The following PCDHGA3 variants were observed in gnomAD, a reference collection of about 807,000 sequenced individuals.
PCDHGA3 encodes protocadherin gamma-A3.
PCDHGA3 carries 40 observed loss-of-function variants against 58.5 expected under a neutral mutation model. That is an observed-to-expected ratio of 0.68 (90% CI 0.53 to 0.89). The LOEUF is 0.89. Among genes scored for constraint, PCDHGA3 ranks in the 40% least tolerant of loss-of-function variants. The pLI, the probability that PCDHGA3 is intolerant of heterozygous loss-of-function variation, is 0.00. For synonymous variants in PCDHGA3, 530 were observed against 525.7 expected (o/e 1.01, Z -0.11); for missense variants, 1,223 against 1,195.9 (o/e 1.02, Z -0.33).
intron 1 of PCDHGA3, among the ~76,000 whole-genome samples, chr5:141,402,158 G>A (rs1276790302): frequency 2.0e-5 from 3 of 151,990 alleles, no homozygotes; most frequent in Non-Finnish European, 2.9e-5. Context: ...AATATTAGGC[G>A]AGAACATCTG....
rs1045001776 is a variant in PCDHGA3 at position 141,356,756 on chromosome 5, C to T, written c.2424+10299C>T. 3.1e-6 allele frequency: 5 copies of T among 1,613,976 alleles called. No homozygotes were observed. In the South Asian group the frequency reaches 4.4e-5, roughly 14 times the overall value. On this transcript the variant is annotated intron_variant, in intron 1 of 3. Coordinates refer to ENST00000253812, the MANE Select transcript of PCDHGA3 (RefSeq NM_018916.4). ...ACAGGGATCCTATATGCTCTTTGCT[C>T]CTTCGACTATGAGCAGTTTAGAGAC...
At position 141,491,919 on chromosome 5, in the gene PCDHGA3, C is replaced by A. The variant is rs1177043977; in HGVS notation, c.2425-2888C>A. 1.5e-6 allele frequency: 2 copies of A among 1,361,778 alleles called. No homozygotes were observed. Among genetic ancestry groups the A allele is most frequent in the South Asian group, 1.6e-5 (1 of 64,218 alleles). 84.4% of individuals were successfully genotyped at this position (1,361,778 alleles called of 1,614,324 possible). A position where few individuals can be genotyped will look rare whatever the true frequency, so the allele number is the denominator to read the frequency against. On this transcript the variant is annotated intron_variant, in intron 1 of 3. Coordinates refer to ENST00000253812, the MANE Select transcript of PCDHGA3 (RefSeq NM_018916.4). The surrounding 1 kb of genome is among the most constrained non-coding windows in gnomAD (Gnocchi z 6.9). ...CACCGGGGGTGGTGGCGACTGTGGGCGAGGGGAGGTGGGACCGACCCCCAC... is the reference window on the plus strand; with the variant it reads ...CACCGGGGGTGGTGGCGACTGTGGGAGAGGGGAGGTGGGACCGACCCCCAC...
intron 1 of PCDHGA3, chr5:141,421,405 C>T (rs2096570069): frequency 6.2e-7 from 1 of 1,614,074 alleles, no homozygotes; most frequent in African/African-American, 1.3e-5. Context: ...GCCCCGGGAG[C>T]TGGCGAAGCG....
chr5:141,383,620 G>C, intron 1 of PCDHGA3: 1 of 1,613,872 alleles, frequency 6.2e-7, no homozygotes, highest in Middle Eastern at 1.6e-4. Flanking sequence ...CCACACGCCT[G>C]TCTTCTCTCT....
chr5:141,413,578 C>G, intron 1 of PCDHGA3: 1 of 1,613,870 alleles, frequency 6.2e-7, no homozygotes, highest in Non-Finnish European at 8.5e-7. Flanking sequence ...TGACAATGCT[C>G]CAAAATTCCA....
At chr5:141,404,029 C>A in intron 1 of PCDHGA3, 2 of 1,613,428 alleles carry the variant, frequency 1.2e-6, no homozygotes, top group South Asian at 1.1e-5. Flanking sequence ...TGAGAGAAGA[C>A]GCACCTCAGG....
intron 1 of PCDHGA3, chr5:141,351,291 C>T (rs778230963): frequency 1.7e-5 from 27 of 1,613,784 alleles, no homozygotes; most frequent in Non-Finnish European, 2.1e-5. Flanking sequence ...CCAGAGGTGA[C>T]ATTCATGTCC....
At chr5:141,414,722 G>T in intron 1 of PCDHGA3, 1 of 1,614,128 alleles carries the variant, frequency 6.2e-7, no homozygotes, top group South Asian at 1.1e-5. Flanking sequence ...TCAGACACTG[G>T]CGTCCTGTAT....
intron 2 of PCDHGA3, among the ~76,000 whole-genome samples, chr5:141,495,663 G>T (rs756466649): frequency 6.6e-6 from 1 of 152,050 alleles, no homozygotes; most frequent in African/African-American, 2.4e-5. Context: ...GATCTGTGCC[G>T]CCCACTGTGC....
At chr5:141,450,067 T>C (rs1007808503) in intron 1 of PCDHGA3, among the ~76,000 whole-genome samples, 4 of 147,604 alleles carry the variant, frequency 2.7e-5, no homozygotes, top group African/African-American at 1.0e-4. Context: ...AATGCAGTGG[T>C]ATGATCTTGG....
chr5:141,372,754 G>T, intron 1 of PCDHGA3: 6 of 1,613,022 alleles, frequency 3.7e-6, no homozygotes, highest in African/African-American at 1.3e-5. Context: ...GAAGCCTCTT[G>T]GTTTGAAAGT....
In PCDHGA3 at chr5:141,477,877, C is replaced by A; in HGVS notation, c.2425-16930C>A. 1 of 1,614,170 alleles carries A rather than the reference C, an allele frequency of 6.2e-7. No homozygotes were observed. The highest frequency in any genetic ancestry group is 8.5e-7 in the Non-Finnish European group (1 of 1,180,036). On this transcript the variant is annotated intron_variant, in intron 1 of 3. Transcript: ENST00000253812. This position sits in a 1 kb window ranked among gnomAD's most constrained non-coding sequence, Gnocchi z 4.9. The stretch of plus-strand genomic sequence containing the variant: ...TGCTGCCTCGAGGTACCTCAGCTGG[C>A]CACCTAGTGTCACGGGTGGTAGGCT...
At position 141,432,688 on chromosome 5, in the gene PCDHGA3, A is replaced by G. The variant is rs143889434; in HGVS notation, c.2425-62119A>G. On this transcript the variant is annotated intron_variant, in intron 1 of 3. Coordinates refer to ENST00000253812, the MANE Select transcript of PCDHGA3 (RefSeq NM_018916.4). The surrounding 1 kb of genome is among the most constrained non-coding windows in gnomAD (Gnocchi z 6.0). ...GAGACGCGCTCAAGCAGAGCCTCGT[A>G]GTGGCCGTCCAGGACCACGGCCAGC... 2,218 of 1,613,894 alleles carry G rather than the reference A, an allele frequency of 1.4e-3. 31 individuals are homozygous for G. The African/African-American group carries it at 0.023, about 17-fold the overall frequency.
At position 141,373,653 on chromosome 5, in the gene PCDHGA3, A is replaced by T. The variant is rs149501628; in HGVS notation, c.2424+27196A>T. Among the ~76,000 whole-genome samples, 35 of 152,376 alleles carry T rather than the reference A, an allele frequency of 2.3e-4. No individual in the cohort carries two copies. In the East Asian group the frequency reaches 6.4e-3, roughly 28 times the overall value. On this transcript the variant is annotated intron_variant, in intron 1 of 3. Transcript: ENST00000253812. The stretch of plus-strand genomic sequence containing the variant: ...TTTCTGTTCCCCAAGGTCCTAAGAG[A>T]TATTTTCATAAAAATGAATGGTAAA...
chr5:141,369,472 G>C (rs557451479), intron 1 of PCDHGA3, among the ~76,000 whole-genome samples: 3 of 152,128 alleles, frequency 2.0e-5, no homozygotes, highest in Non-Finnish European at 4.4e-5. Flanking sequence ...TTCTAGCCCA[G>C]CCTGGGCAAC....
chr5:141,443,251 C>T (rs200319609), intron 1 of PCDHGA3, among the ~76,000 whole-genome samples: 7 of 150,782 alleles, frequency 4.6e-5, no homozygotes, highest in East Asian at 3.9e-4. Flanking sequence ...GGCGCCAAGG[C>T]GGGTGGATCA....
rs978480877 is a variant in PCDHGA3, at chr5:141,417,841, G to A, written c.2424+71384G>A. ...CTCCAACTGGAAAAGCGGGGACCCAGCGAGAACCCGAGCGAACGATGGGAG... is the reference window on the plus strand; with the variant it reads ...CTCCAACTGGAAAAGCGGGGACCCAACGAGAACCCGAGCGAACGATGGGAG... On this transcript the variant is annotated intron_variant, in intron 1 of 3. Coordinates refer to ENST00000253812, the MANE Select transcript of PCDHGA3 (RefSeq NM_018916.4). 1.4e-5 allele frequency: 21 copies of A among 1,537,848 alleles called. No homozygotes were observed. In the African/African-American group the frequency reaches 2.6e-4, roughly 19 times the overall value.
At chr5:141,375,929 CT>C (rs1378296851) in intron 1 of PCDHGA3, 3 of 1,613,620 alleles carry the variant, frequency 1.9e-6, no homozygotes, top group Non-Finnish European at 1.7e-6. Context: ...CGAGCCAGGA[CT>C]TTTCTCAGTG....
At chr5:141,386,290 A>T (rs2090519757) in intron 1 of PCDHGA3, among the ~76,000 whole-genome samples, 1 of 152,214 alleles carries the variant, frequency 6.6e-6, no homozygotes, top group African/African-American at 2.4e-5. Flanking sequence ...TTTGTATAAC[A>T]TTTTAGTAAA....
Sources: allele counts gnomAD v4.1 joint callset (sites outside exome capture counted in the v4.1 genomes callset), GRCh38; gene constraint gnomAD v4.1.1; non-coding constraint Gnocchi (gnomAD v3.1); transcripts MANE v1.5; gene names NCBI Gene and HGNC (gene_info 2026-07-23, HGNC 2026-07-21).